Variants in KANK1 observed in about 807,000 individuals in gnomAD.
The protein encoded by KANK1 is KN motif and ankyrin repeat domain-containing protein 1.
Under a neutral mutation model 106.2 loss-of-function variants are expected in KANK1, and 109 were observed. The ratio of observed to expected loss-of-function variants is 1.03; its 90% CI spans 0.88 to 1.20. The LOEUF (loss-of-function observed/expected upper bound fraction) is 1.20, where lower values mean the gene tolerates loss of function less well. Ranked by LOEUF, KANK1 falls within the 50% of genes most tolerant of loss-of-function variation. The probability of loss-of-function intolerance (pLI) is 0.00; values close to 1 mark genes in which losing one functional copy is unlikely to be tolerated. For synonymous variants in KANK1, 873 were observed against 652.2 expected (o/e 1.34, Z -5.16); for missense variants, 2,399 against 1,710.7 (o/e 1.40, Z -7.10).
At chr9:541,367 C>T (rs2060587740) in intron 1 of KANK1, among the ~76,000 whole-genome samples, 1 of 152,118 alleles carries the variant, frequency 6.6e-6, no homozygotes, top group Non-Finnish European at 1.5e-5. Flanking sequence ...AAAAACTGGG[C>T]ATCCACATAC....
At chr9:542,846 C>CTG (rs56881095) in intron 1 of KANK1, among the ~76,000 whole-genome samples, 366 of 47,222 alleles carry the variant, frequency 7.8e-3, no homozygotes, top group Non-Finnish European at 8.3e-3. Flanking sequence ...GAAAGTCAAA[C>CTG]TCTCACAGAA....
intron 3 of KANK1, among the ~76,000 whole-genome samples, chr9:723,726 TTAAAA>T (rs1238461061): frequency 2.0e-5 from 3 of 152,150 alleles, no homozygotes; most frequent in African/African-American, 2.4e-5. Flanking sequence ...TTAAAAGACT[TTAAAA>T]TAATAGCAAC....
At chr9:604,375 A>G (rs1309332005) in intron 1 of KANK1, among the ~76,000 whole-genome samples, 2 of 151,570 alleles carry the variant, frequency 1.3e-5, no homozygotes, top group Admixed American at 6.6e-5. Flanking sequence ...GATCATGAGG[A>G]TGGTTTACCC....
At chr9:517,278 A>G (rs1286526943) in intron 1 of KANK1, among the ~76,000 whole-genome samples, 5 of 151,402 alleles carry the variant, frequency 3.3e-5, no homozygotes. Flanking sequence ...TAATTTTTGT[A>G]GTTTGAGTAG....
intron 1 of KANK1, among the ~76,000 whole-genome samples, chr9:671,457 A>C (rs992850151): frequency 6.6e-6 from 1 of 151,116 alleles, no homozygotes; most frequent in African/African-American, 2.4e-5. Flanking sequence ...CATCCTGGCT[A>C]ACACGGTGAA....
At chr9:731,042 C>G (rs1412642613) in intron 4 of KANK1, 116 bp from the exon 5 acceptor site, 6 of 495,706 alleles carry the variant, frequency 1.2e-5, no homozygotes, top group Non-Finnish European at 2.2e-5. Flanking sequence ...AAACTTCTCA[C>G]ATATATATGC....
chr9:576,331 T>A (rs189261175), intron 1 of KANK1, among the ~76,000 whole-genome samples: 9 of 152,346 alleles, frequency 5.9e-5, no homozygotes, highest in African/African-American at 1.7e-4. Flanking sequence ...AAGAAGCAGC[T>A]GGCAGCCTCC....
intron 1 of KANK1, among the ~76,000 whole-genome samples, chr9:524,326 C>G (rs1432725861): frequency 6.7e-6 from 1 of 150,366 alleles, no homozygotes; most frequent in African/African-American, 2.5e-5. Context: ...TTGACAATAA[C>G]TCTGCCTTTT....
At chr9:594,875 C>T (rs1046073131) in intron 1 of KANK1, among the ~76,000 whole-genome samples, 1 of 151,682 alleles carries the variant, frequency 6.6e-6, no homozygotes. Context: ...AAAACAAATC[C>T]TTTTGATTCA....
At chr9:478,114 G>A in intron 3 of KANK1, 1 of 213,912 alleles carries the variant, frequency 4.7e-6, no homozygotes, top group South Asian at 7.3e-5. Flanking sequence ...AGCCCTCAAG[G>A]AACCAGAGAC....
chr9:545,719 A>G (rs1261125179), intron 1 of KANK1, among the ~76,000 whole-genome samples: 1 of 139,780 alleles, frequency 7.2e-6, no homozygotes, highest in East Asian at 2.2e-4. Flanking sequence ...TGGCCTGTAC[A>G]GAGCCTTTTT....
intron 1 of KANK1, among the ~76,000 whole-genome samples, chr9:557,369 G>A (rs2061662153): frequency 6.6e-6 from 1 of 152,122 alleles, no homozygotes; most frequent in Non-Finnish European, 1.5e-5. Flanking sequence ...AGTGATGGGT[G>A]CATTGTATTC....
intron 1 of KANK1, among the ~76,000 whole-genome samples, chr9:675,893 G>A (rs2138835626): frequency 1.3e-5 from 2 of 152,118 alleles, no homozygotes; most frequent in Non-Finnish European, 2.9e-5. Context: ...TGTTTTGCAG[G>A]AAAGGGGTGG....
rs1469240431 is a variant in KANK1, at chr9:711,333, C to T, written c.567C>T (p.Gly189=). The T allele has an allele frequency of 6.2e-7, 1 of 1,614,156 alleles. No homozygotes were observed. Among genetic ancestry groups the T allele is most frequent in the East Asian group, 2.2e-5 (1 of 44,870 alleles). Residue 189 remains glycine, a synonymous_variant, in exon 3 of 12, where the codon GGC becomes GGT. Coordinates refer to ENST00000382297, the MANE Select transcript of KANK1 (RefSeq NM_015158.5). ...FRRPRLASFG[G]MGTTSSLPSF... ...GGCCCAGGCTGGCCAGTTTTGGAGG[C>T]ATGGGCACCACAAGCTCCCTCCCTT...
At chr9:742,061 C>T in intron 9 of KANK1, 144 bp from the exon 10 acceptor site, 1 of 705,832 alleles carries the variant, frequency 1.4e-6, no homozygotes, top group South Asian at 1.8e-5. Flanking sequence ...CCCTGCTTGC[C>T]ACCACCTGCC....
At chr9:735,195 ATTTT>A (rs550014461) in intron 7 of KANK1, among the ~76,000 whole-genome samples, 1 of 150,934 alleles carries the variant, frequency 6.6e-6, no homozygotes, top group Non-Finnish European at 1.5e-5. Context: ...GCATCCAAGA[ATTTT>A]TTTTTTAAGT....
intron 1 of KANK1, among the ~76,000 whole-genome samples, chr9:648,893 T>TATA (rs1840295369): frequency 1.3e-5 from 2 of 152,278 alleles, no homozygotes; most frequent in South Asian, 4.1e-4. Flanking sequence ...AGACTCTAGT[T>TATA]AAAGTGAGGA....
chr9:628,714 C>G (rs368828379), intron 1 of KANK1, among the ~76,000 whole-genome samples: 3 of 152,272 alleles, frequency 2.0e-5, no homozygotes, highest in East Asian at 3.9e-4. Flanking sequence ...TTTGCCATCC[C>G]TTTCTGCATG....
chr9:561,147 C>T (rs933996226), intron 1 of KANK1, among the ~76,000 whole-genome samples: 6 of 152,060 alleles, frequency 3.9e-5, no homozygotes, highest in Admixed American at 1.3e-4. Flanking sequence ...GAAAGGCTAT[C>T]GGGGTGGAAA....
Sources: allele counts gnomAD v4.1 joint callset (sites outside exome capture counted in the v4.1 genomes callset), GRCh38; gene constraint gnomAD v4.1.1; transcripts MANE v1.5; gene names NCBI Gene and HGNC (gene_info 2026-07-23, HGNC 2026-07-21).